Variants in CEMIP observed in about 807,000 individuals in gnomAD.
CEMIP encodes the protein cell migration-inducing and hyaluronan-binding protein.
A neutral mutation model predicts 156.9 loss-of-function variants in CEMIP; 105 were observed. The ratio of observed to expected loss-of-function variants is 0.67; its 90% CI spans 0.57 to 0.79. The LOEUF (loss-of-function observed/expected upper bound fraction) is 0.79, where lower values mean the gene tolerates loss of function less well. Ranked by LOEUF, CEMIP falls within the 30% of genes least tolerant of loss-of-function variation. The pLI, the probability that CEMIP is intolerant of heterozygous loss-of-function variation, is 0.00. For synonymous variants in CEMIP, 676 were observed against 668.4 expected (o/e 1.01, Z -0.17); for missense variants, 1,457 against 1,769.4 (o/e 0.82, Z 3.17).
chr15:80,844,143 G>C (rs1444836669), intron 1 of CEMIP, among the ~76,000 whole-genome samples: 2 of 152,360 alleles, frequency 1.3e-5, no homozygotes, highest in African/African-American at 4.8e-5. Flanking sequence ...GGTCCACACA[G>C]CCCCGGGCCA....
intron 29 of CEMIP, chr15:80,948,124 T>C (rs537262297): frequency 1.3e-5 from 2 of 153,524 alleles, no homozygotes; most frequent in South Asian, 4.1e-4. Flanking sequence ...CAAAAGCTGA[T>C]GTATGTAAGG....
At chr15:80,809,902 C>T (rs1896615508) in intron 1 of CEMIP, among the ~76,000 whole-genome samples, 1 of 152,214 alleles carries the variant, frequency 6.6e-6, no homozygotes, top group African/African-American at 2.4e-5. Context: ...TCTCTTTCTG[C>T]AACCAGCCAG....
chr15:80,883,963 C>G (rs1157584639), intron 6 of CEMIP, among the ~76,000 whole-genome samples: 2 of 152,180 alleles, frequency 1.3e-5, no homozygotes, highest in African/African-American at 4.8e-5. Context: ...ACATTATGGT[C>G]AAGTCAAAAC....
intron 10 of CEMIP, among the ~76,000 whole-genome samples, chr15:80,892,839 C>A (rs985785685): frequency 6.6e-6 from 1 of 152,210 alleles, no homozygotes; most frequent in Non-Finnish European, 1.5e-5. Context: ...TTTGTGGATT[C>A]AGTGCAATGA....
intron 1 of CEMIP, among the ~76,000 whole-genome samples, chr15:80,838,949 C>T: frequency 6.6e-6 from 1 of 152,182 alleles, no homozygotes; most frequent in East Asian, 1.9e-4. Context: ...GCGCTCCGTG[C>T]ATGTTTGGTG....
chr15:80,838,219 T>C (rs1317131283), intron 1 of CEMIP, among the ~76,000 whole-genome samples: 1 of 152,114 alleles, frequency 6.6e-6, no homozygotes, highest in Non-Finnish European at 1.5e-5. Context: ...GAGTCATTCA[T>C]AGGGACTCCA....
In CEMIP at chr15:80,937,914, G is replaced by C. The variant is rs778968550; in HGVS notation, c.3342G>C (p.Leu1114Phe). 12 of 1,614,086 alleles carry C rather than the reference G, an allele frequency of 7.4e-6. No individual in the cohort carries two copies. In the East Asian group the frequency reaches 2.7e-4, roughly 36 times the overall value. The part of the protein sequence containing the change: ...TSKTGVFVRT[L>F]QMDKVEQSYP... The stretch of plus-strand genomic sequence containing the variant: ...AGACGGGCGTCTTCGTGAGGACCTT[G>C]CAGATGGACAAAGTGGAGCAGAGCT... The change falls in exon 25 of 30, where the codon TTG (leucine) becomes TTC (phenylalanine). Residue 1114 changes from leucine to phenylalanine, a missense_variant. Transcript: ENST00000394685.
At chr15:80,790,840 G>A (rs544020650) in intron 1 of CEMIP, among the ~76,000 whole-genome samples, 21 of 152,138 alleles carry the variant, frequency 1.4e-4, no homozygotes, top group African/African-American at 2.4e-4. Context: ...AGATGACTCC[G>A]TTGCATTTCC....
At chr15:80,822,288 G>A (rs1340357800) in intron 1 of CEMIP, among the ~76,000 whole-genome samples, 1 of 152,150 alleles carries the variant, frequency 6.6e-6, no homozygotes, top group East Asian at 1.9e-4. Context: ...GAGCCTCCCT[G>A]TTGCCTGCCG....
At chr15:80,889,046 A>T (rs1898946163) in intron 9 of CEMIP, among the ~76,000 whole-genome samples, 1 of 152,228 alleles carries the variant, frequency 6.6e-6, no homozygotes, top group Non-Finnish European at 1.5e-5. Flanking sequence ...CATTCAGCTT[A>T]GTTCACGGAA....
intron 28 of CEMIP, among the ~76,000 whole-genome samples, chr15:80,945,037 G>A (rs1021782299): frequency 6.6e-6 from 1 of 152,188 alleles, no homozygotes; most frequent in Non-Finnish European, 1.5e-5. Flanking sequence ...CTGTGGCTGC[G>A]GGCCCTGCCT....
intron 1 of CEMIP, among the ~76,000 whole-genome samples, chr15:80,800,790 G>A (rs1156755613): frequency 6.6e-6 from 1 of 152,142 alleles, no homozygotes; most frequent in African/African-American, 2.4e-5. Flanking sequence ...TTCAGTACTC[G>A]ATGTAGGGGC....
chr15:80,845,029 G>T (rs938275738), intron 1 of CEMIP, among the ~76,000 whole-genome samples: 1 of 152,006 alleles, frequency 6.6e-6, no homozygotes, highest in African/African-American at 2.4e-5. Context: ...GGATATATAT[G>T]GATAATATAT....
At chr15:80,925,813 G>T in intron 19 of CEMIP, 58 bp downstream of exon 19, 1 of 1,581,488 alleles carries the variant, frequency 6.3e-7, no homozygotes, top group Non-Finnish European at 8.6e-7. Flanking sequence ...TCTTCCCCTA[G>T]CCCCCTACAG....
chr15:80,795,821 T>G (rs1896209889), intron 1 of CEMIP, among the ~76,000 whole-genome samples: 1 of 152,128 alleles, frequency 6.6e-6, no homozygotes, highest in Non-Finnish European at 1.5e-5. Flanking sequence ...TCCTGGCTAC[T>G]TGGGAGGCTA....
intron 14 of CEMIP, 48 bp from the exon 15 acceptor site, chr15:80,920,046 A>G (rs951111177): frequency 1.7e-5 from 26 of 1,572,278 alleles, no homozygotes; most frequent in Non-Finnish European, 2.2e-5. Context: ...GAATGAGCAC[A>G]TGAATAACTG....
At chr15:80,901,674 C>G (rs1899561100) in intron 12 of CEMIP, among the ~76,000 whole-genome samples, 1 of 150,476 alleles carries the variant, frequency 6.6e-6, no homozygotes, top group African/African-American at 2.5e-5. Flanking sequence ...TGCACTCCAG[C>G]CTGGGGGACA....
chr15:80,884,145 A>G, intron 6 of CEMIP, 30 bp from the exon 7 acceptor site: 2 of 1,612,626 alleles, frequency 1.2e-6, no homozygotes, highest in Non-Finnish European at 1.7e-6. Flanking sequence ...GGTCAAGACT[A>G]TTCAGATCTC....
intron 10 of CEMIP, among the ~76,000 whole-genome samples, chr15:80,893,520 G>A (rs1899107047): frequency 6.6e-6 from 1 of 152,184 alleles, no homozygotes; most frequent in African/African-American, 2.4e-5. Context: ...ATCTTACGGG[G>A]TCTCCAATTG....
Sources: gnomAD v4.1 joint callset for allele counts (sites outside exome capture counted in the v4.1 genomes callset) on GRCh38, gnomAD v4.1.1 for gene constraint, MANE v1.5 for transcripts, NCBI Gene and HGNC (gene_info 2026-07-23, HGNC 2026-07-21) for gene names.